RANBP17: variants seen among roughly 807,000 people sequenced by gnomAD.
The protein encoded by RANBP17 is RAN binding protein 17.
In RANBP17, 158 loss-of-function variants were observed where a neutral mutation model predicts 141.2. That is an observed-to-expected ratio of 1.12 (90% CI 0.98 to 1.28). The LOEUF (loss-of-function observed/expected upper bound fraction) is 1.28, where lower values mean the gene tolerates loss of function less well. Ranked by LOEUF, RANBP17 falls within the 50% of genes most tolerant of loss-of-function variation. The pLI, the probability that RANBP17 is intolerant of heterozygous loss-of-function variation, is 0.00. For synonymous variants in RANBP17, 430 were observed against 450.0 expected (o/e 0.96, Z 0.56); for missense variants, 1,438 against 1,290.7 (o/e 1.11, Z -1.75).
chr5:170,913,805 T>A (rs1040106539), intron 7 of RANBP17, among the ~76,000 whole-genome samples: 1 of 152,032 alleles, frequency 6.6e-6, no homozygotes, highest in African/African-American at 2.4e-5. Flanking sequence ...GCAGTTGGAA[T>A]GGGATAGGGT....
intron 1 of RANBP17, among the ~76,000 whole-genome samples, chr5:170,875,106 T>C (rs1044993545): frequency 6.6e-6 from 1 of 152,200 alleles, no homozygotes; most frequent in African/African-American, 2.4e-5. Flanking sequence ...TGGCCAGATA[T>C]GACATTCTGG....
intron 22 of RANBP17, among the ~76,000 whole-genome samples, chr5:171,234,847 A>G (rs1484212434): frequency 3.9e-5 from 6 of 152,136 alleles, no homozygotes; most frequent in African/African-American, 1.4e-4. Flanking sequence ...TTGATTCTGG[A>G]GTTTGGAAAA....
At chr5:170,953,030 A>G (rs1166299168) in intron 12 of RANBP17, among the ~76,000 whole-genome samples, 1 of 152,090 alleles carries the variant, frequency 6.6e-6, no homozygotes, top group African/African-American at 2.4e-5. Flanking sequence ...CTACCATCAA[A>G]CAATGTGAAA....
At chr5:171,286,837 G>A (rs999362069) in intron 25 of RANBP17, among the ~76,000 whole-genome samples, 1 of 152,190 alleles carries the variant, frequency 6.6e-6, no homozygotes, top group Admixed American at 6.5e-5. Flanking sequence ...CTAATCCTGG[G>A]TCTCCAACCA....
intron 14 of RANBP17, among the ~76,000 whole-genome samples, chr5:171,059,373 T>C (rs1051525890): frequency 5.9e-5 from 9 of 152,240 alleles, no homozygotes; most frequent in Non-Finnish European, 1.2e-4. Flanking sequence ...GTTTCAGCTT[T>C]CTACATATGG....
At chr5:171,110,219 C>T (rs2127757430) in intron 14 of RANBP17, among the ~76,000 whole-genome samples, 1 of 152,000 alleles carries the variant, frequency 6.6e-6, no homozygotes, top group South Asian at 2.1e-4. Context: ...AATATTTATA[C>T]TCTTAGGCTT....
chr5:170,920,597 G>A (rs6895618), intron 11 of RANBP17, among the ~76,000 whole-genome samples: 2,577 of 151,186 alleles, frequency 0.017, 70 homozygotes, highest in African/African-American at 0.059. Flanking sequence ...TATTTTCTGT[G>A]TTGTTTGCCT....
chr5:170,968,650 T>C (rs1285258545), intron 14 of RANBP17: 4 of 505,144 alleles, frequency 7.9e-6, no homozygotes, highest in Non-Finnish European at 1.5e-5. Flanking sequence ...CTAATCAATT[T>C]TGCCTTATTG....
intron 14 of RANBP17, among the ~76,000 whole-genome samples, chr5:171,133,665 C>T (rs907136292): frequency 2.6e-5 from 4 of 152,098 alleles, no homozygotes; most frequent in Admixed American, 6.5e-5. Flanking sequence ...ATAGGCTACC[C>T]GGAATTTTCA....
chr5:171,018,270 A>G (rs934268391), intron 14 of RANBP17, among the ~76,000 whole-genome samples: 3 of 152,114 alleles, frequency 2.0e-5, no homozygotes, highest in Non-Finnish European at 2.9e-5. Flanking sequence ...AATTTAAAGT[A>G]GTTTTTTTTC....
chr5:170,947,669 T>G (rs576350431), intron 12 of RANBP17, among the ~76,000 whole-genome samples: 36 of 152,204 alleles, frequency 2.4e-4, no homozygotes, highest in Non-Finnish European at 3.7e-4. Context: ...CCTGAATGCT[T>G]CTTTACTCAC....
intron 5 of RANBP17, among the ~76,000 whole-genome samples, chr5:170,907,720 C>A (rs936930906): frequency 4.6e-5 from 7 of 151,524 alleles, no homozygotes; most frequent in Non-Finnish European, 1.0e-4. Context: ...AAGGAATAAG[C>A]GAAATAATAT....
At chr5:171,072,809 A>C (rs1453224252) in intron 14 of RANBP17, among the ~76,000 whole-genome samples, 1 of 152,150 alleles carries the variant, frequency 6.6e-6, no homozygotes, top group African/African-American at 2.4e-5. Flanking sequence ...TAGCAGCTTT[A>C]TTTATAAATT....
In RANBP17 at chr5:171,221,747, A is replaced by G. The variant is rs755498268; in HGVS notation, c.2340-11A>G. 15 of 1,567,434 alleles carry G rather than the reference A, an allele frequency of 9.6e-6. No individual in the cohort carries two copies. Among genetic ancestry groups the G allele is most frequent in the Admixed American group, 3.4e-5 (2 of 58,976 alleles). On this transcript the variant is annotated splice_polypyrimidine_tract_variant and intron_variant, in intron 21 of 27. Coordinates refer to ENST00000523189, the MANE Select transcript of RANBP17 (RefSeq NM_022897.5). ...CTTCACATATAGGCAATTTTTTTCT[A>G]TATTTCTTAGATCCCAGCGTTTGAA...
At chr5:170,972,792 T>C (rs563202099) in intron 14 of RANBP17, among the ~76,000 whole-genome samples, 3 of 152,192 alleles carry the variant, frequency 2.0e-5, no homozygotes, top group Non-Finnish European at 2.9e-5. Context: ...CTAAGTGTTA[T>C]AACAGCTTAT....
At chr5:171,134,879 G>T (rs553031836) in intron 14 of RANBP17, among the ~76,000 whole-genome samples, 1 of 152,072 alleles carries the variant, frequency 6.6e-6, no homozygotes, top group African/African-American at 2.4e-5. Flanking sequence ...CTGAGATTGT[G>T]CCACTGCACT....
chr5:171,000,613 C>A (rs1176389198), intron 14 of RANBP17, among the ~76,000 whole-genome samples: 2 of 152,146 alleles, frequency 1.3e-5, no homozygotes, highest in Non-Finnish European at 1.5e-5. Context: ...CACCAAACAG[C>A]CTTTGTGTGA....
chr5:171,297,818 G>T (rs1239171727), intron 27 of RANBP17, among the ~76,000 whole-genome samples: 2 of 148,516 alleles, frequency 1.3e-5, no homozygotes, highest in Non-Finnish European at 3.0e-5. Flanking sequence ...AGGCATACAG[G>T]CATTGCCTCA....
At chr5:171,277,633 G>GTATATATA (rs1767582267) in intron 25 of RANBP17, among the ~76,000 whole-genome samples, 1 of 19,618 alleles carries the variant, frequency 5.1e-5, no homozygotes, top group Non-Finnish European at 7.8e-5. Context: ...ATACATATAT[G>GTATATATA]TATGTATATA....
Sources: gnomAD v4.1 joint callset for allele counts (sites outside exome capture counted in the v4.1 genomes callset) on GRCh38, gnomAD v4.1.1 for gene constraint, MANE v1.5 for transcripts, NCBI Gene and HGNC (gene_info 2026-07-23, HGNC 2026-07-21) for gene names.